The following USP45 variants were observed in gnomAD, a reference collection of about 807,000 sequenced individuals.
The protein encoded by USP45 is ubiquitin specific peptidase 45, also known as ubiquitin carboxyl-terminal hydrolase 45.
USP45 carries 89 observed loss-of-function variants against 95.8 expected under a neutral mutation model. The ratio of observed to expected loss-of-function variants is 0.93; its 90% CI spans 0.78 to 1.11. USP45 has a LOEUF of 1.11. Ranked by LOEUF, USP45 falls within the 50% of genes least tolerant of loss-of-function variation. The pLI is 0.00. For missense variants in USP45, 898 were observed against 942.5 expected (o/e 0.95, Z 0.62); for synonymous variants, 281 against 316.2 (o/e 0.89, Z 1.18).
At chr6:99,453,167 A>G (rs200165094) in intron 13 of USP45, among the ~76,000 whole-genome samples, 14,866 of 56,332 alleles carry the variant, frequency 0.26, 914 homozygotes, top group East Asian at 0.53. Context: ...CCTAGAACTT[A>G]AAAAAGAAAA....
intron 13 of USP45, chr6:99,461,644 C>T (rs1786493706): frequency 1.0e-6 from 1 of 983,298 alleles, no homozygotes; most frequent in African/African-American, 1.7e-5. Flanking sequence ...TTTTATCATT[C>T]TTCATATTAA....
rs1421956225 is a variant in USP45 at position 99,469,466 on chromosome 6, T to TA, written c.934-849dup. Among the ~76,000 whole-genome samples, 504 of 115,554 alleles carry TA rather than the reference T, an allele frequency of 4.4e-3. 6 individuals carry two copies. Among genetic ancestry groups the TA allele is most frequent in the Non-Finnish European group, 5.0e-3 (293 of 58,530 alleles). The allele number at this position is 115,554 out of a possible 152,430, so 75.8% of individuals were successfully genotyped here. ...AAAAAATATATATATAATTAATATATATATAATATATATATATATATTTTT... is the reference window on the plus strand; with the variant it reads ...AAAAAATATATATATAATTAATATATAATATAATATATATATATATATTTTT... On this transcript the variant is annotated intron_variant, in intron 9 of 17. Transcript: ENST00000500704.
At chr6:99,463,397 C>T (rs1258847377) in intron 13 of USP45, among the ~76,000 whole-genome samples, 1 of 152,060 alleles carries the variant, frequency 6.6e-6, no homozygotes, top group Non-Finnish European at 1.5e-5. Context: ...CTGAACCTAA[C>T]TAGGCCTCTA....
intron 16 of USP45, 150 bp downstream of exon 16, chr6:99,439,619 G>A (rs1476707413): frequency 1.9e-5 from 9 of 475,918 alleles, no homozygotes; most frequent in Non-Finnish European, 3.2e-5. Context: ...TGTATTAAGT[G>A]TTCCACATAT....
chr6:99,499,446 G>T (rs1417416882), intron 5 of USP45, among the ~76,000 whole-genome samples: 1 of 152,082 alleles, frequency 6.6e-6, no homozygotes, highest in Non-Finnish European at 1.5e-5. Flanking sequence ...TACGGAAGCC[G>T]CATACAAGGC....
chr6:99,498,406 T>C (rs546267517), intron 5 of USP45, among the ~76,000 whole-genome samples: 3 of 152,302 alleles, frequency 2.0e-5, no homozygotes, highest in East Asian at 3.9e-4. Flanking sequence ...TTAAGGAACC[T>C]ACAGTCTTGA....
At position 99,508,721 on chromosome 6, in the gene USP45, T is replaced by A; in HGVS notation, c.162A>T (p.Ile54=). ...AISVNHVKRA[I]AENLWSVCSE... ...AGCAAACTGACCACAGATTCTCAGC[T>A]ATTGCTCTCTTTACATGATTCACGC... Residue 54 remains isoleucine, a synonymous_variant, in exon 3 of 18, where the codon ATA becomes ATT. Transcript: ENST00000500704. The A allele has an allele frequency of 6.2e-7, 1 of 1,613,838 alleles. No homozygotes were observed. Among genetic ancestry groups the A allele is most frequent in the Non-Finnish European group, 8.5e-7 (1 of 1,179,932 alleles).
chr6:99,474,688 T>G (rs1275078622), intron 9 of USP45, among the ~76,000 whole-genome samples: 3 of 152,172 alleles, frequency 2.0e-5, no homozygotes, highest in Non-Finnish European at 4.4e-5. Flanking sequence ...CCCACAATGG[T>G]GTGCTCAGAA....
intron 10 of USP45, among the ~76,000 whole-genome samples, chr6:99,467,208 G>A (rs936854378): frequency 6.6e-6 from 1 of 151,988 alleles, no homozygotes; most frequent in Non-Finnish European, 1.5e-5. Context: ...CAAGAACATG[G>A]TTATATTTTT....
At chr6:99,477,007 C>T (rs1791036058) in intron 8 of USP45, among the ~76,000 whole-genome samples, 1 of 152,120 alleles carries the variant, frequency 6.6e-6, no homozygotes, top group Admixed American at 6.5e-5. Context: ...CTAAAATGAA[C>T]ATTTTGCCTT....
chr6:99,478,227 T>G (rs60404574), intron 8 of USP45, among the ~76,000 whole-genome samples: 23 of 138,930 alleles, frequency 1.7e-4, no homozygotes, highest in South Asian at 1.1e-3. Flanking sequence ...TTTGTTTTTT[T>G]TTTTTTTTTT....
At chr6:99,483,076 T>C (rs1008832791) in intron 7 of USP45, among the ~76,000 whole-genome samples, 193 bp from the exon 8 acceptor site, 1 of 152,220 alleles carries the variant, frequency 6.6e-6, no homozygotes. Flanking sequence ...ACAGGTATTT[T>C]CATATCCTCT....
At chr6:99,435,868 C>T (rs978274582) in intron 17 of USP45, 22 bp from the exon 18 acceptor site, 10 of 1,599,214 alleles carry the variant, frequency 6.3e-6, no homozygotes, top group Non-Finnish European at 8.5e-6. Flanking sequence ...AAAAGAAGTA[C>T]AATTTTAAAG....
At chr6:99,465,560 G>A (rs932767927) in intron 11 of USP45, among the ~76,000 whole-genome samples, 1 of 152,106 alleles carries the variant, frequency 6.6e-6, no homozygotes, top group Admixed American at 6.6e-5. Flanking sequence ...TGTTTTAAAA[G>A]ATACTCTCTA....
At chr6:99,472,674 T>C (rs945478602) in intron 9 of USP45, among the ~76,000 whole-genome samples, 1 of 152,160 alleles carries the variant, frequency 6.6e-6, no homozygotes, top group Non-Finnish European at 1.5e-5. Context: ...TTGTTCACAA[T>C]ACAAAAAGCA....
In USP45 at chr6:99,434,311, A is replaced by G; in HGVS notation, c.*1405T>C. ...GACAGTCTTGATTAAATATTTCCAT[A>G]CCTTATCTGCAGCCACTATTCTTAT... On this transcript the variant is annotated 3_prime_UTR_variant, in exon 18 of 18. Transcript: ENST00000500704. 6.6e-6 allele frequency: 1 copy of G among 152,194 alleles called. No homozygotes were observed. Among genetic ancestry groups the G allele is most frequent in the Non-Finnish European group, 1.5e-5 (1 of 68,022 alleles). The allele number at this position is 152,194 out of a possible 1,614,324, so 9.4% of individuals were successfully genotyped here. A position where few individuals can be genotyped will look rare whatever the true frequency, so the allele number is the denominator to read the frequency against.
intron 5 of USP45, among the ~76,000 whole-genome samples, chr6:99,500,663 AT>A (rs1797183110): frequency 1.3e-5 from 2 of 152,250 alleles, no homozygotes; most frequent in East Asian, 3.9e-4. Context: ...CTTAATGCTC[AT>A]TTTTCAGCAG....
At chr6:99,505,868 G>C (rs1195458024) in intron 4 of USP45, among the ~76,000 whole-genome samples, 1 of 152,116 alleles carries the variant, frequency 6.6e-6, no homozygotes, top group East Asian at 1.9e-4. Context: ...GTCATAACAA[G>C]ATCTCCCTGA....
chr6:99,496,165 A>G (rs1000668141), intron 5 of USP45, among the ~76,000 whole-genome samples: 1 of 152,188 alleles, frequency 6.6e-6, no homozygotes, highest in Non-Finnish European at 1.5e-5. Flanking sequence ...ACAAAAATAA[A>G]TAGAGATAGG....
Sources: allele counts gnomAD v4.1 joint callset (sites outside exome capture counted in the v4.1 genomes callset), GRCh38; gene constraint gnomAD v4.1.1; transcripts MANE v1.5; gene names NCBI Gene and HGNC (gene_info 2026-07-23, HGNC 2026-07-21).